DYNLT3: variants seen among roughly 807,000 people sequenced by gnomAD.
DYNLT3 encodes the protein dynein light chain Tctex-type 3, also known as protein 91/23.
DYNLT3 carries 4 observed loss-of-function variants against 11.0 expected under a neutral mutation model. The observed-to-expected ratio is 0.36, with a 90% CI of 0.18 to 0.83. The LOEUF (loss-of-function observed/expected upper bound fraction) is 0.83, where lower values mean the gene tolerates loss of function less well. Ranked by LOEUF, DYNLT3 falls within the 40% of genes least tolerant of loss-of-function variation. The pLI is 0.47. For synonymous variants in DYNLT3, 37 were observed against 31.2 expected, an observed-to-expected ratio of 1.18 and a Z score of -0.61; for missense variants, 91 against 91.1, an observed-to-expected ratio of 1.00 and a Z score of 0.01.
At chrX:37,845,065 G>A (rs1179111446) in intron 2 of DYNLT3, among the ~76,000 whole-genome samples, 2 of 111,700 alleles carry the variant, frequency 1.8e-5, no homozygotes. Context: ...ATCAACCAAG[G>A]ACAGTCTTTC....
At chrX:37,845,818 G>A (rs1930256306) in intron 2 of DYNLT3, among the ~76,000 whole-genome samples, 1 of 112,525 alleles carries the variant, frequency 8.9e-6, no homozygotes. Context: ...TCAAGATGCT[G>A]ATAGCACACA....
At chrX:37,841,993 A>G (rs1930174662) in intron 2 of DYNLT3, 88 bp from the exon 3 acceptor site, 1 of 873,925 alleles carries the variant, frequency 1.1e-6, no homozygotes. Flanking sequence ...AAATTTATTC[A>G]AAACATAAAA....
chrX:37,841,970 C>CA lies in DYNLT3; in HGVS notation c.73-66dup, dbSNP rs935435867. 3.1e-6 allele frequency: 3 copies of CA among 958,827 alleles called. No individual in the cohort carries two copies. The African/African-American group carries it at 5.9e-5, about 19-fold the overall frequency. The allele number at this position is 958,827 out of a possible 1,213,427, so 79.0% of individuals were successfully genotyped here. ...TTGTTCAAAAAGAACAATTTTTACA[C>CA]AAATTGCAGTAAAAATTTATTCAAA... On this transcript the variant is annotated intron_variant, in intron 2 of 4. Transcript: ENST00000378578.
At chrX:37,841,666 T>C (rs1602196132) in intron 3 of DYNLT3, 116 bp downstream of exon 3, 1 of 770,852 alleles carries the variant, frequency 1.3e-6, no homozygotes, top group East Asian at 3.8e-5. Context: ...CAGAAGTCCT[T>C]TATACCCTTT....
intron 2 of DYNLT3, 29 bp downstream of exon 2, chrX:37,846,288 C>A: frequency 8.3e-7 from 1 of 1,201,660 alleles, no homozygotes; most frequent in African/African-American, 1.7e-5. Flanking sequence ...GTGCAGCAAG[C>A]TTCAAGAGAA....
intron 2 of DYNLT3, 141 bp downstream of exon 2, chrX:37,846,176 A>G (rs761206583): frequency 1.5e-5 from 10 of 652,273 alleles, no homozygotes; most frequent in African/African-American, 1.4e-4. Context: ...ATCTCAAAAA[A>G]CAATAAAATA....
Position 37,841,071 on chromosome X carries a change from G to A in DYNLT3, c.231C>T (p.Gly77=), listed in dbSNP as rs372820619. ...AAAAACAGGAGCTGGCTGTGTGAAA[G>A]CCATATGCGCTCTTCTGGACCACTG... The part of the protein sequence containing the change: ...TCAVVQKSAY[G]FHTASSCFWD... The change falls in exon 4 of 5, where the codon GGC becomes GGT. Residue 77 remains glycine, a synonymous_variant. Coordinates refer to ENST00000378578, the MANE Select transcript of DYNLT3 (RefSeq NM_006520.3). The A allele has an allele frequency of 6.3e-5, 76 of 1,208,272 alleles. No individual in the cohort carries two copies. The highest frequency in any genetic ancestry group is 7.9e-5 in the Non-Finnish European group (71 of 894,660).
Position 37,841,795 on chromosome X carries a change from G to A in DYNLT3, c.183C>T (p.Ala61=), listed in dbSNP as rs11771. The A allele has an allele frequency of 0.19, 221,987 of 1,169,836 alleles. 19,938 individuals carry two copies. The highest frequency in any genetic ancestry group is 0.65 in the African/African-American group (36,482 of 55,962). The change falls in exon 3 of 5, where the codon GCC becomes GCT. Residue 61 remains alanine, a synonymous_variant. Transcript: ENST00000378578. The part of the protein sequence containing the change: ...SLTHLVKLGK[A]YKYIVTCAVV... ...ACTGATACTTACCAATATATTTATA[G>A]GCTTTTCCCAACTTAACCAGGTGTG...
chrX:37,842,166 G>A (rs181407416), intron 2 of DYNLT3, among the ~76,000 whole-genome samples: 1 of 111,282 alleles, frequency 9.0e-6, no homozygotes, highest in Non-Finnish European at 1.9e-5. Context: ...CATGGCTTCT[G>A]TGTAAATAAC....
At chrX:37,846,938 C>T in intron 1 of DYNLT3, 1 of 1,094,317 alleles carries the variant, frequency 9.1e-7, no homozygotes. Flanking sequence ...AGGGAGATAA[C>T]AACTGACATC....
At position 37,847,541 on chromosome X, in the gene DYNLT3, A is replaced by T; in HGVS notation, c.-31T>A. The T allele has an allele frequency of 1.0e-6, 1 of 965,388 alleles. No individual in the cohort carries two copies. Among genetic ancestry groups the T allele is most frequent in the Non-Finnish European group, 1.3e-6 (1 of 767,081 alleles). The allele number at this position is 965,388 out of a possible 1,213,427, so 79.6% of individuals were successfully genotyped here. ...CGCCGGCTCTCCCTGGGGCGGAGCG[A>T]CACGCCGGTAGAGCACCGCGGCCGC... On this transcript the variant is annotated 5_prime_UTR_variant, in exon 1 of 5. Transcript: ENST00000378578.
At chrX:37,843,760 G>A (rs1052840037) in intron 2 of DYNLT3, among the ~76,000 whole-genome samples, 2 of 111,121 alleles carry the variant, frequency 1.8e-5, no homozygotes, top group African/African-American at 6.5e-5. Context: ...ATTAGCATAG[G>A]GGCTCAGAGC....
intron 2 of DYNLT3, 33 bp downstream of exon 2, chrX:37,846,284 C>T: frequency 2.5e-6 from 3 of 1,198,060 alleles, no homozygotes; most frequent in Non-Finnish European, 3.4e-6. Flanking sequence ...ACCAGTGCAG[C>T]AAGCTTCAAG....
chrX:37,847,341 G>T, intron 1 of DYNLT3, 140 bp downstream of exon 1: 2 of 907,482 alleles, frequency 2.2e-6, no homozygotes, highest in Non-Finnish European at 1.4e-6. Flanking sequence ...CGGATCCCGG[G>T]CCCAGGGGAG....
intron 4 of DYNLT3, 94 bp from the exon 5 acceptor site, chrX:37,840,745 CACAT>C (rs1930130015): frequency 8.8e-6 from 4 of 456,361 alleles, no homozygotes; most frequent in African/African-American, 6.3e-5. Flanking sequence ...CACACACACA[CACAT>C]ATACACACAC....
chrX:37,842,033 A>G, intron 2 of DYNLT3, 128 bp from the exon 3 acceptor site: 2 of 623,345 alleles, frequency 3.2e-6, no homozygotes, highest in South Asian at 1.1e-4. Flanking sequence ...GGCATCTTAG[A>G]AAATATACAC....
chrX:37,839,517 C>G lies in DYNLT3; in HGVS notation c.*1058G>C, dbSNP rs1930101760. On this transcript the variant is annotated 3_prime_UTR_variant, in exon 5 of 5. Transcript: ENST00000378578. ...GTAACTAAAGCAATGACAAAATTTACTACTTGTATAGGTAAGACTGATAAT... is the reference window on the plus strand; with the variant it reads ...GTAACTAAAGCAATGACAAAATTTAGTACTTGTATAGGTAAGACTGATAAT... 1 of 112,337 alleles carries G rather than the reference C, an allele frequency of 8.9e-6. No homozygotes were observed. Among genetic ancestry groups the G allele is most frequent in the South Asian group, 3.6e-4 (1 of 2,743 alleles). The allele number at this position is 112,337 out of a possible 1,213,427, so 9.3% of individuals were successfully genotyped here. A position where few individuals can be genotyped will look rare whatever the true frequency, so the allele number is the denominator to read the frequency against.
At chrX:37,847,282 C>T in intron 1 of DYNLT3, 199 bp downstream of exon 1, 3 of 894,185 alleles carry the variant, frequency 3.4e-6, no homozygotes, top group Non-Finnish European at 3.0e-6. Context: ...GCCACCCCTC[C>T]CACCCCGAAT....
rs1267277773 is a variant in DYNLT3 at position 37,840,108 on chromosome X, C to G, written c.*467G>C. On this transcript the variant is annotated 3_prime_UTR_variant, in exon 5 of 5. Coordinates refer to ENST00000378578, the MANE Select transcript of DYNLT3 (RefSeq NM_006520.3). Reference sequence around the variant, plus strand: ...ATTACTTTCCACTAAATATTAAGTACAACTGAGGGGAAGAAAGTTTAAAAA... The same window carrying G: ...ATTACTTTCCACTAAATATTAAGTAGAACTGAGGGGAAGAAAGTTTAAAAA... 2.3e-5 allele frequency: 2 copies of G among 86,351 alleles called. No individual in the cohort carries two copies. The highest frequency in any genetic ancestry group is 2.2e-4 in the Admixed American group (2 of 8,953). The allele number at this position is 86,351 out of a possible 1,213,427, so 7.1% of individuals were successfully genotyped here.
Sources: allele counts gnomAD v4.1 joint callset (sites outside exome capture counted in the v4.1 genomes callset), GRCh38; gene constraint gnomAD v4.1.1; transcripts MANE v1.5; gene names NCBI Gene and HGNC (gene_info 2026-07-23, HGNC 2026-07-21).